FZD6: variants seen among roughly 807,000 people sequenced by gnomAD.
The protein encoded by FZD6 is frizzled class receptor 6.
FZD6 carries 49 observed loss-of-function variants against 61.4 expected under a neutral mutation model. The observed-to-expected ratio is 0.80, with a 90% confidence interval of 0.63 to 1.01. The LOEUF is 1.01. Among genes scored for constraint, FZD6 ranks in the 50% least tolerant of loss-of-function variants. FZD6 has a pLI of 0.00. For synonymous variants in FZD6, 265 were observed against 292.2 expected, an observed-to-expected ratio of 0.91 and a Z score of 0.95; for missense variants, 724 against 848.2, an observed-to-expected ratio of 0.85 and a Z score of 1.82.
At chr8:103,320,869 A>C (rs1239908339) in intron 3 of FZD6, among the ~76,000 whole-genome samples, 1 of 152,136 alleles carries the variant, frequency 6.6e-6, no homozygotes, top group Non-Finnish European at 1.5e-5. Flanking sequence ...AAGGAGACAA[A>C]ACTGATGATT....
chr8:103,322,445 TC>T (rs1396250733), intron 3 of FZD6, among the ~76,000 whole-genome samples: 1 of 152,064 alleles, frequency 6.6e-6, no homozygotes, highest in East Asian at 1.9e-4. Context: ...TCTGGACCTT[TC>T]CGTGATAGTG....
chr8:103,312,909 G>T (rs1297943403), intron 2 of FZD6, among the ~76,000 whole-genome samples: 1 of 152,156 alleles, frequency 6.6e-6, no homozygotes, highest in Admixed American at 6.5e-5. Flanking sequence ...TAACTGAAGA[G>T]TTTCTTTCAT....
At position 103,329,927 on chromosome 8, in the gene FZD6, C is replaced by T; in HGVS notation, c.1814C>T (p.Ala605Val). ...ATGAGAGAGGTGAAAGCGGACGGAG[C>T]TAGCACCCCCAGGTTAAGAGAACAG... Reference protein sequence around the residue: ...TSMREVKADGASTPRLREQDC... With the variant: ...TSMREVKADGVSTPRLREQDC... The change falls in exon 6 of 7, where the codon GCT (alanine) becomes GTT (valine). Residue 605 changes from alanine (A) to valine (V), a missense_variant. By Grantham distance (64) the Ala-to-Val change is moderately conservative. Coordinates refer to ENST00000358755, the MANE Select transcript of FZD6 (RefSeq NM_003506.4). 2 of 1,614,172 alleles carry T rather than the reference C, an allele frequency of 1.2e-6. No homozygotes were observed. Among genetic ancestry groups the T allele is most frequent in the Non-Finnish European group, 1.7e-6 (2 of 1,180,022 alleles).
intron 2 of FZD6, among the ~76,000 whole-genome samples, chr8:103,308,907 C>T (rs1814417099): frequency 6.6e-6 from 1 of 152,174 alleles, no homozygotes; most frequent in Non-Finnish European, 1.5e-5. Flanking sequence ...CTCATCTGCA[C>T]TTGTATCTTA....
chr8:103,312,315 T>A lies in FZD6; in HGVS notation c.178-6275T>A, dbSNP rs368196264. Reference sequence around the variant, plus strand: ...CAATATTAATAGTTATTAGATGAGTTTTTTGAGAATGAAATTTGAAAGGAG... The same window carrying A: ...CAATATTAATAGTTATTAGATGAGTATTTTGAGAATGAAATTTGAAAGGAG... On this transcript the variant is annotated intron_variant, in intron 2 of 6. Transcript: ENST00000358755. 5.3e-5 allele frequency among the ~76,000 whole-genome samples: 8 copies of A among 152,324 alleles called. No homozygotes were observed. The South Asian group carries it at 1.7e-3, about 32-fold the overall frequency.
chr8:103,301,570 G>A (rs1296371142), intron 2 of FZD6, among the ~76,000 whole-genome samples: 1 of 151,972 alleles, frequency 6.6e-6, no homozygotes, highest in Non-Finnish European at 1.5e-5. Context: ...TACATTTTAA[G>A]GTTTTTGTTT....
chr8:103,301,700 C>A (rs899302042), intron 2 of FZD6, among the ~76,000 whole-genome samples: 1 of 152,078 alleles, frequency 6.6e-6, no homozygotes. Flanking sequence ...AGCTACTGCA[C>A]CTGGCTGACC....
chr8:103,329,278 G>A (rs967411155), intron 5 of FZD6, among the ~76,000 whole-genome samples: 7 of 151,224 alleles, frequency 4.6e-5, no homozygotes, highest in Admixed American at 1.3e-4. Flanking sequence ...AATGAAGACC[G>A]TTAATTATAT....
intron 6 of FZD6, among the ~76,000 whole-genome samples, 196 bp downstream of exon 6, chr8:103,330,261 G>A (rs1385271993): frequency 2.6e-5 from 4 of 152,120 alleles, no homozygotes; most frequent in Non-Finnish European, 5.9e-5. Context: ...TTTAATATAG[G>A]TGGTTCAAGT....
At chr8:103,299,462 T>C (rs1413551469) in intron 1 of FZD6, among the ~76,000 whole-genome samples, 1 of 152,140 alleles carries the variant, frequency 6.6e-6, no homozygotes, top group African/African-American at 2.4e-5. Context: ...CCTAAAAGTC[T>C]CCCTCTAGTT....
intron 2 of FZD6, among the ~76,000 whole-genome samples, chr8:103,306,431 A>T (rs1454381541): frequency 1.3e-5 from 2 of 151,990 alleles, no homozygotes; most frequent in African/African-American, 4.8e-5. Flanking sequence ...GTGAAGTCTA[A>T]CTGAAAACAT....
intron 2 of FZD6, among the ~76,000 whole-genome samples, chr8:103,310,532 T>C (rs1814465777): frequency 2.0e-5 from 3 of 152,166 alleles, no homozygotes; most frequent in Non-Finnish European, 4.4e-5. Flanking sequence ...CCCAAAGTGC[T>C]GAGATTACAG....
intron 3 of FZD6, among the ~76,000 whole-genome samples, chr8:103,321,884 C>A (rs1388424769): frequency 6.6e-6 from 1 of 152,178 alleles, no homozygotes; most frequent in Non-Finnish European, 1.5e-5. Context: ...GTCCACCATA[C>A]CACCTGAGAG....
chr8:103,317,145 C>G (rs1356648076), intron 2 of FZD6, among the ~76,000 whole-genome samples: 1 of 152,142 alleles, frequency 6.6e-6, no homozygotes, highest in African/African-American at 2.4e-5. Context: ...AATGAGGGCA[C>G]AAGACTCACT....
intron 4 of FZD6, among the ~76,000 whole-genome samples, chr8:103,326,153 A>G (rs1318789965): frequency 1.3e-5 from 2 of 152,206 alleles, no homozygotes; most frequent in Non-Finnish European, 2.9e-5. Flanking sequence ...GATTTTAGAC[A>G]TTATTCCTGA....
intron 2 of FZD6, among the ~76,000 whole-genome samples, chr8:103,302,792 A>C (rs1426976319): frequency 6.6e-6 from 1 of 152,118 alleles, no homozygotes; most frequent in African/African-American, 2.4e-5. Flanking sequence ...CTTGAATACA[A>C]AGTCTTGTTA....
rs1259037341 is a variant in FZD6 at position 103,332,390 on chromosome 8, A to T, written c.*881A>T. 1 of 152,084 alleles carries T rather than the reference A, an allele frequency of 6.6e-6. No individual in the cohort carries two copies. The highest frequency in any genetic ancestry group is 2.4e-5 in the African/African-American group (1 of 41,424). The allele number at this position is 152,084 out of a possible 1,614,324, so 9.4% of individuals were successfully genotyped here. Reference sequence around the variant, plus strand: ...GTATTATAACCACTTACAGTTGCTTATATTTTTTGTTTTAACTTTTGTTTT... The same window carrying T: ...GTATTATAACCACTTACAGTTGCTTTTATTTTTTGTTTTAACTTTTGTTTT... On this transcript the variant is annotated 3_prime_UTR_variant, in exon 7 of 7. Transcript: ENST00000358755.
Position 103,325,467 on chromosome 8 carries a change from G to T in FZD6, c.1361G>T (p.Cys454Phe), listed in dbSNP as rs1272285096. The change falls in exon 4 of 7, where the codon TGT becomes TTT. Residue 454 changes from cysteine (C) to phenylalanine (F), a missense_variant. By Grantham distance (205) the Cys-to-Phe change is radical (BLOSUM62 -2). Coordinates refer to ENST00000358755, the MANE Select transcript of FZD6 (RefSeq NM_003506.4). Reference sequence around the variant, plus strand: ...GAGATAACTTGGGTCTCTGATCATTGTCGTCAGTACCATATCCCATGTCCT... The same window carrying T: ...GAGATAACTTGGGTCTCTGATCATTTTCGTCAGTACCATATCCCATGTCCT... Reference protein sequence around the residue: ...TWEITWVSDHCRQYHIPCPYQ... With the variant: ...TWEITWVSDHFRQYHIPCPYQ... 1.9e-6 allele frequency: 3 copies of T among 1,613,334 alleles called. No homozygotes were observed.
chr8:103,317,666 A>G (rs1814665586), intron 2 of FZD6, among the ~76,000 whole-genome samples: 1 of 152,122 alleles, frequency 6.6e-6, no homozygotes, highest in African/African-American at 2.4e-5. Flanking sequence ...TCTCTACTAA[A>G]AATACAAAAA....
Sources: gnomAD v4.1 joint callset for allele counts (sites outside exome capture counted in the v4.1 genomes callset) on GRCh38, gnomAD v4.1.1 for gene constraint, MANE v1.5 for transcripts, NCBI Gene and HGNC (gene_info 2026-07-23, HGNC 2026-07-21) for gene names.